The following ITIH2 variants were observed in gnomAD, a reference collection of about 807,000 sequenced individuals.
ITIH2 encodes the protein inter-alpha-trypsin inhibitor heavy chain 2, also known as inter-alpha-trypsin inhibitor heavy chain H2.
Under a neutral mutation model 104.4 loss-of-function variants are expected in ITIH2, and 103 were observed. The observed-to-expected ratio is 0.99, with a 90% CI of 0.84 to 1.16. ITIH2 has a LOEUF of 1.16. ITIH2 is among the 50% of genes most tolerant of loss of function. The pLI is 0.00. For synonymous variants in ITIH2, 436 were observed against 435.4 expected, an observed-to-expected ratio of 1.00 and a Z score of -0.02; for missense variants, 1,108 against 1,162.4, an observed-to-expected ratio of 0.95 and a Z score of 0.68.
chr10:7,740,487 G>T (rs11255329), intron 16 of ITIH2, among the ~76,000 whole-genome samples: 6,298 of 152,282 alleles, frequency 0.041, 379 homozygotes, highest in African/African-American at 0.13. Context: ...CTGACCAGCA[G>T]TTTCTGAGAG....
At position 7,717,808 on chromosome 10, in the gene ITIH2, G is replaced by A. The variant is rs778517238; in HGVS notation, c.630+20G>A. On this transcript the variant is annotated intron_variant, in intron 6 of 20. Transcript: ENST00000358415. The stretch of plus-strand genomic sequence containing the variant: ...TTAGAGGTAAGCCTGGATCTGTAGG[G>A]TGGGCAGTGACACTGTCCTTTTATA... 5.0e-6 allele frequency: 8 copies of A among 1,596,736 alleles called. No individual in the cohort carries two copies. The highest frequency in any genetic ancestry group is 6.9e-6 in the Non-Finnish European group (8 of 1,167,466).
chr10:7,717,708 C>T lies in ITIH2; in HGVS notation c.550C>T (p.Gln184Ter). The stretch of plus-strand genomic sequence containing the variant: ...AAAGGTGCAGTTCGAACTTCACTAC[C>T]AGGAGGTGAAGTGGAGGAAGCTGGG... ...GAKVQFELHY[Q>*]EVKWRKLGSY... The change falls in exon 6 of 21, where the codon CAG becomes TAG. Residue 184 changes from glutamine (Q) to a stop codon, truncating the protein, a stop_gained. Transcript: ENST00000358415. LOFTEE classifies it high-confidence loss of function. 6.2e-7 allele frequency: 1 copy of T among 1,613,532 alleles called. No individual in the cohort carries two copies. Among genetic ancestry groups the T allele is most frequent in the South Asian group, 1.1e-5 (1 of 91,040 alleles).
Position 7,717,649 on chromosome 10 carries a change from A to G in ITIH2, c.491A>G (p.Asn164Ser). ...LVRSSALDME[N>S]FRTEVNVLPG... ...AGGAGCAGCGCTCTTGATATGGAAA[A>G]CTTCAGAACGGAAGTAAATGTCCTC... The change falls in exon 6 of 21, where the codon AAC (asparagine) becomes AGC (serine). Residue 164 changes from asparagine to serine, a missense_variant. Physicochemically the swap from Asn to Ser is conservative, Grantham distance 46 (BLOSUM62 1). Transcript: ENST00000358415. The G allele has an allele frequency of 6.2e-7, 1 of 1,613,688 alleles. No individual in the cohort carries two copies. Among genetic ancestry groups the G allele is most frequent in the South Asian group, 1.1e-5 (1 of 91,046 alleles).
At chr10:7,718,661 C>T (rs145660591) in intron 6 of ITIH2, among the ~76,000 whole-genome samples, 14 of 151,890 alleles carry the variant, frequency 9.2e-5, no homozygotes, top group African/African-American at 2.7e-4. Flanking sequence ...GGTAGTTTTC[C>T]GATCCTTTCT....
At position 7,743,237 on chromosome 10, in the gene ITIH2, C is replaced by T. The variant is rs374220529; in HGVS notation, c.2187C>T (p.Asn729=). Residue 729 remains asparagine (N), a synonymous_variant, in exon 17 of 21, where the codon AAC becomes AAT. Coordinates refer to ENST00000358415, the MANE Select transcript of ITIH2 (RefSeq NM_002216.3). ...ACTCAGAACCTGGAAAAATCCTCAA[C>T]CTGGTTTCTGACCCAGAATCAGGTA... ...NIDSEPGKIL[N]LVSDPESGIV... is the part of the protein sequence containing the mutation. 7.0e-6 allele frequency: 11 copies of T among 1,581,244 alleles called. No individual in the cohort carries two copies. The highest frequency in any genetic ancestry group is 6.8e-5 in the East Asian group (3 of 44,026).
chr10:7,707,341 T>C, intron 3 of ITIH2, 108 bp downstream of exon 3: 1 of 812,044 alleles, frequency 1.2e-6, no homozygotes, highest in Non-Finnish European at 2.1e-6. Context: ...TTTACCTGAC[T>C]TTCGAAATAC....
chr10:7,723,472 C>T lies in ITIH2; in HGVS notation c.889C>T (p.His297Tyr), dbSNP rs1588455077. 6 of 1,611,536 alleles carry T rather than the reference C, an allele frequency of 3.7e-6. No homozygotes were observed. Among genetic ancestry groups the T allele is most frequent in the African/African-American group, 1.3e-5 (1 of 74,922 alleles). ...ELEVFNGYFV[H>Y]FFAPDNLDPI... ...TCAGGTGTTTAATGGATATTTTGTC[C>T]ACTTCTTTGCTCCTGACAACCTGGA... The change falls in exon 9 of 21, where the codon CAC (histidine) becomes TAC (tyrosine). Residue 297 changes from histidine (H) to tyrosine (Y), a missense_variant. By Grantham distance (83) the His-to-Tyr change is moderately conservative. Coordinates refer to ENST00000358415, the MANE Select transcript of ITIH2 (RefSeq NM_002216.3).
At chr10:7,718,819 G>T (rs891408001) in intron 6 of ITIH2, among the ~76,000 whole-genome samples, 3 of 152,170 alleles carry the variant, frequency 2.0e-5, no homozygotes, top group Non-Finnish European at 4.4e-5. Context: ...AATGACAGGA[G>T]CTTGATGAAG....
At chr10:7,747,109 G>A (rs1226184759) in intron 20 of ITIH2, among the ~76,000 whole-genome samples, 1 of 152,164 alleles carries the variant, frequency 6.6e-6, no homozygotes, top group Non-Finnish European at 1.5e-5. Context: ...ATCTCTGACT[G>A]CTTTTTTTGT....
At chr10:7,732,737 A>AT (rs977385159) in intron 14 of ITIH2, among the ~76,000 whole-genome samples, 3 of 151,336 alleles carry the variant, frequency 2.0e-5, no homozygotes, top group African/African-American at 4.9e-5. Context: ...ATTTATTTTT[A>AT]TTTTTTTTGA....
intron 6 of ITIH2, among the ~76,000 whole-genome samples, chr10:7,719,753 C>A (rs1834883238): frequency 1.1e-5 from 1 of 94,890 alleles, no homozygotes; most frequent in African/African-American, 4.5e-5. Context: ...AAAATGAGAC[C>A]CTGTCTCAAA....
chr10:7,717,687 G>T lies in ITIH2; in HGVS notation c.529G>T (p.Val177Leu), dbSNP rs138977046. ...AGTAAATGTCCTCCCAGGAGCAAAG[G>T]TGCAGTTCGAACTTCACTACCAGGA... ...TEVNVLPGAKVQFELHYQEVK... is the reference protein window; with the variant it reads ...TEVNVLPGAKLQFELHYQEVK... Residue 177 changes from valine to leucine, a missense_variant, in exon 6 of 21, where the codon GTG (valine) becomes TTG (leucine). Transcript: ENST00000358415. 6.2e-7 allele frequency: 1 copy of T among 1,613,804 alleles called. No individual in the cohort carries two copies. Among genetic ancestry groups the T allele is most frequent in the Non-Finnish European group, 8.5e-7 (1 of 1,179,970 alleles).
At chr10:7,728,188 A>G (rs1834968806) in intron 11 of ITIH2, among the ~76,000 whole-genome samples, 1 of 152,064 alleles carries the variant, frequency 6.6e-6, no homozygotes, top group Admixed American at 6.6e-5. Context: ...ATGAGTATTG[A>G]TCCCAGATCT....
At chr10:7,736,575 T>C (rs1835057429) in intron 15 of ITIH2, among the ~76,000 whole-genome samples, 1 of 152,198 alleles carries the variant, frequency 6.6e-6, no homozygotes, top group Non-Finnish European at 1.5e-5. Context: ...ATTCTGAGTA[T>C]TCAAAATTCC....
At chr10:7,748,218 A>ATATACATATATAAATAAATATATG (rs1167573513) in intron 20 of ITIH2, among the ~76,000 whole-genome samples, 2 of 124,414 alleles carry the variant, frequency 1.6e-5, no homozygotes, top group South Asian at 5.4e-4. Context: ...ATATATTTAT[A>ATATACATATATAAATAAATATATG]TATACATATA....
Position 7,710,920 on chromosome 10 carries a change from CT to C in ITIH2, c.362+1741del, listed in dbSNP as rs58634403. ...AAGATCTCTTATTTCTGTTTTCCTT[CT>C]TTTTTTTTTTTCTTTTTTACTTTAA... On this transcript the variant is annotated intron_variant, in intron 4 of 20. Coordinates refer to ENST00000358415, the MANE Select transcript of ITIH2 (RefSeq NM_002216.3). 3.1e-3 allele frequency among the ~76,000 whole-genome samples: 457 copies of C among 145,628 alleles called. 2 individuals carry two copies. The highest frequency in any genetic ancestry group is 8.5e-3 in the African/African-American group (339 of 39,942).
At chr10:7,739,718 A>G (rs1258987502) in intron 16 of ITIH2, among the ~76,000 whole-genome samples, 1 of 152,002 alleles carries the variant, frequency 6.6e-6, no homozygotes, top group Admixed American at 6.6e-5. Context: ...CAAAAACAAA[A>G]ACAAAAAAAC....
At position 7,744,822 on chromosome 10, in the gene ITIH2, G is replaced by T. The variant is rs759725044; in HGVS notation, c.2440G>T (p.Val814Leu). ...GATCTCAGTGAAGAAAGAAAAAGTG[G>T]TAACTATCACCCTGGATAAAGAGAT... is the stretch of plus-strand genomic sequence containing the variant. Reference protein sequence around the residue: ...VQISVKKEKVVTITLDKEMSF... With the variant: ...VQISVKKEKVLTITLDKEMSF... Residue 814 changes from valine (V) to leucine (L), a missense_variant, in exon 19 of 21, where the codon GTA becomes TTA. By Grantham distance (32) the Val-to-Leu change is conservative. Transcript: ENST00000358415. 8 of 1,612,784 alleles carry T rather than the reference G, an allele frequency of 5.0e-6. No homozygotes were observed. Among genetic ancestry groups the T allele is most frequent in the Non-Finnish European group, 6.8e-6 (8 of 1,179,542 alleles).
intron 14 of ITIH2, 87 bp downstream of exon 14, chr10:7,732,564 T>C: frequency 1.4e-6 from 2 of 1,446,718 alleles, no homozygotes; most frequent in South Asian, 1.2e-5. Context: ...AAAAAGAGTT[T>C]GGAAGCAAGA....
Sources: allele counts gnomAD v4.1 joint callset (sites outside exome capture counted in the v4.1 genomes callset), GRCh38; gene constraint gnomAD v4.1.1; transcripts MANE v1.5; gene names NCBI Gene and HGNC (gene_info 2026-07-23, HGNC 2026-07-21).